The following INPP4B variants were observed in gnomAD, a reference collection of about 807,000 sequenced individuals.
The protein encoded by INPP4B is inositol polyphosphate-4-phosphatase type II B, also known as inositol polyphosphate 4-phosphatase type II.
Under a neutral mutation model 122.5 loss-of-function variants are expected in INPP4B, and 55 were observed. That is an observed-to-expected ratio of 0.45 (90% CI 0.36 to 0.56). The LOEUF is 0.56. Ranked by LOEUF, INPP4B falls within the 20% of genes least tolerant of loss-of-function variation. The pLI, the probability that INPP4B is intolerant of heterozygous loss-of-function variation, is 0.00. For synonymous variants in INPP4B, 403 were observed against 388.7 expected, an observed-to-expected ratio of 1.04 and a Z score of -0.43; for missense variants, 1,000 against 1,097.7, an observed-to-expected ratio of 0.91 and a Z score of 1.26.
intron 18 of INPP4B, among the ~76,000 whole-genome samples, chr4:142,128,380 TACAC>T (rs745577459): frequency 1.3e-3 from 138 of 103,900 alleles, no homozygotes; most frequent in Non-Finnish European, 2.3e-3. Context: ...CACACACACA[TACAC>T]ACACATACCT....
intron 9 of INPP4B, among the ~76,000 whole-genome samples, chr4:142,303,084 A>G (rs1359160398): frequency 6.6e-6 from 1 of 152,188 alleles, no homozygotes. Context: ...AAATCTATAA[A>G]TTAGATGCAC....
At position 142,362,598 on chromosome 4, in the gene INPP4B, G is replaced by T. The variant is rs1699244286; in HGVS notation, c.372+40340C>A. Reference sequence around the variant, plus strand: ...TTTAATAGAAATGTGAAACAGGAGAGAAATGAAGAAAGTGCAGCCTACAAG... The same window carrying T: ...TTTAATAGAAATGTGAAACAGGAGATAAATGAAGAAAGTGCAGCCTACAAG... On this transcript the variant is annotated intron_variant, in intron 7 of 25. Transcript: ENST00000262992. Among the ~76,000 whole-genome samples, 3 of 151,868 alleles carry T rather than the reference G, an allele frequency of 2.0e-5. No individual in the cohort carries two copies. In the South Asian group the frequency reaches 6.2e-4, roughly 32 times the overall value.
intron 2 of INPP4B, among the ~76,000 whole-genome samples, chr4:142,488,800 C>T (rs1821499118): frequency 6.6e-6 from 1 of 151,956 alleles, no homozygotes; most frequent in Non-Finnish European, 1.5e-5. Context: ...GTGCATCCTT[C>T]TGATTGATCT....
chr4:142,116,870 A>T (rs1793812660), intron 21 of INPP4B, among the ~76,000 whole-genome samples: 1 of 152,204 alleles, frequency 6.6e-6, no homozygotes, highest in Non-Finnish European at 1.5e-5. Context: ...CAATGAATCC[A>T]GGAGCTGTTT....
chr4:142,057,704 C>G (rs1511256), intron 25 of INPP4B, among the ~76,000 whole-genome samples: 123,605 of 152,102 alleles, frequency 0.81, 52,414 homozygotes, highest in Non-Finnish European at 0.92. Context: ...ACTATTCATG[C>G]TAAAATTATA....
intron 1 of INPP4B, among the ~76,000 whole-genome samples, chr4:142,731,173 T>C (rs1766029281): frequency 6.6e-6 from 1 of 152,022 alleles, no homozygotes; most frequent in Non-Finnish European, 1.5e-5. Context: ...ATTGTTCCCC[T>C]CCCTGTGTCC....
At chr4:142,596,893 G>T (rs1438148767) in intron 2 of INPP4B, among the ~76,000 whole-genome samples, 1 of 152,192 alleles carries the variant, frequency 6.6e-6, no homozygotes, top group East Asian at 1.9e-4. Context: ...ACAATACGCA[G>T]ATTGAAGTGT....
chr4:142,227,016 C>T (rs769851883), intron 12 of INPP4B, among the ~76,000 whole-genome samples: 7 of 152,072 alleles, frequency 4.6e-5, no homozygotes, highest in African/African-American at 9.7e-5. Flanking sequence ...CAGAAACATT[C>T]GGCAGGTGGT....
chr4:142,244,896 T>C (rs1443095484), intron 11 of INPP4B, among the ~76,000 whole-genome samples: 3 of 152,196 alleles, frequency 2.0e-5, no homozygotes, highest in African/African-American at 7.2e-5. Context: ...ATCTGTTTCC[T>C]AACTTTTTAA....
intron 9 of INPP4B, among the ~76,000 whole-genome samples, chr4:142,302,171 T>C (rs2151139162): frequency 6.6e-6 from 1 of 152,164 alleles, no homozygotes; most frequent in Non-Finnish European, 1.5e-5. Context: ...CAATCCCCCC[T>C]TAAACTAACA....
rs1274570948 is a variant in INPP4B, at chr4:142,244,303, T to A, written c.689-6292A>T. Among the ~76,000 whole-genome samples the A allele has an allele frequency of 1.4e-5, 2 of 138,518 alleles. 1 individual carries two copies. The highest frequency in any genetic ancestry group is 5.5e-5 in the African/African-American group (2 of 36,058). The allele number at this position is 138,518 out of a possible 152,430, so 90.9% of individuals were successfully genotyped here. ...TATATGTGCCTTTTTTTTTTTTTTT[T>A]TTTTTTTTTTTTTTGAGACAGAGTC... On this transcript the variant is annotated intron_variant, in intron 11 of 25. Coordinates refer to ENST00000262992, the MANE Select transcript of INPP4B (RefSeq NM_001101669.3).
At chr4:142,339,633 GTTCA>G (rs1332382387) in intron 7 of INPP4B, among the ~76,000 whole-genome samples, 3 of 152,096 alleles carry the variant, frequency 2.0e-5, no homozygotes, top group Admixed American at 6.5e-5. Context: ...GCACCCTCTT[GTTCA>G]TTCATTTTCA....
chr4:142,188,518 A>ATATATATATATATATAT (rs1363710453), intron 15 of INPP4B, among the ~76,000 whole-genome samples: 14 of 105,116 alleles, frequency 1.3e-4, no homozygotes, highest in Non-Finnish European at 2.1e-4. Context: ...AAAGAAAAAA[A>ATATATATATATATATAT]ATATATATAG....
At position 142,197,126 on chromosome 4, in the gene INPP4B, CAAAAAAAAA is replaced by C. The variant is rs376793889; in HGVS notation, c.1073-3940_1073-3932del. On this transcript the variant is annotated intron_variant, in intron 14 of 25. Coordinates refer to ENST00000262992, the MANE Select transcript of INPP4B (RefSeq NM_001101669.3). The stretch of plus-strand genomic sequence containing the variant: ...GGGCAATAAGAGTGAAACTCCGTCT[CAAAAAAAAA>C]AAAAAAAAAAAGAAAGTGAAAATTA... 4.5e-5 allele frequency among the ~76,000 whole-genome samples: 3 copies of C among 67,228 alleles called. No homozygotes were observed. The Admixed American group carries it at 6.9e-4, about 15-fold the overall frequency. The allele number at this position is 67,228 out of a possible 152,430, so 44.1% of individuals were successfully genotyped here.
intron 2 of INPP4B, among the ~76,000 whole-genome samples, chr4:142,611,056 G>C (rs566694856): frequency 6.6e-6 from 1 of 152,296 alleles, no homozygotes; most frequent in African/African-American, 2.4e-5. Flanking sequence ...AAAGAATGAT[G>C]CTGGTATCCA....
chr4:142,487,205 T>C (rs1821306156), intron 2 of INPP4B, among the ~76,000 whole-genome samples: 1 of 152,158 alleles, frequency 6.6e-6, no homozygotes. Flanking sequence ...CCTTGCTTTC[T>C]AACATGATTG....
intron 7 of INPP4B, among the ~76,000 whole-genome samples, chr4:142,331,967 A>G (rs1048413813): frequency 9.9e-5 from 15 of 152,180 alleles, no homozygotes; most frequent in African/African-American, 3.1e-4. Context: ...CTGACCCATA[A>G]ATAGGCTCAT....
intron 9 of INPP4B, among the ~76,000 whole-genome samples, chr4:142,297,330 G>A (rs1759193461): frequency 6.6e-6 from 1 of 152,140 alleles, no homozygotes; most frequent in South Asian, 2.1e-4. Flanking sequence ...CCAGAGTTAA[G>A]TCAACCCCTC....
chr4:142,078,796 T>C (rs765536919), intron 25 of INPP4B, among the ~76,000 whole-genome samples: 1 of 152,020 alleles, frequency 6.6e-6, no homozygotes, highest in Non-Finnish European at 1.5e-5. Context: ...GTTTTTATGA[T>C]GAAGAAACCT....
Sources: gnomAD v4.1 joint callset for allele counts (sites outside exome capture counted in the v4.1 genomes callset) on GRCh38, gnomAD v4.1.1 for gene constraint, MANE v1.5 for transcripts, NCBI Gene and HGNC (gene_info 2026-07-23, HGNC 2026-07-21) for gene names.